SYNPR: variants seen among roughly 807,000 people sequenced by gnomAD.
The protein encoded by SYNPR is synaptoporin.
A neutral mutation model predicts 32.9 loss-of-function variants in SYNPR; 23 were observed. The observed-to-expected ratio is 0.70, with a 90% CI of 0.50 to 0.99. The LOEUF (loss-of-function observed/expected upper bound fraction) is 0.99. Among genes scored for constraint, SYNPR ranks in the 50% least tolerant of loss-of-function variants. The probability of loss-of-function intolerance (pLI) is 0.00; values close to 1 mark genes in which losing one functional copy is unlikely to be tolerated. For synonymous variants in SYNPR, 146 were observed against 135.9 expected (o/e 1.07, Z -0.52); for missense variants, 318 against 349.3 (o/e 0.91, Z 0.71).
chr3:63,276,757 T>C (rs926873803), upstream of SYNPR, among the ~76,000 whole-genome samples: 1 of 152,070 alleles, frequency 6.6e-6, no homozygotes, highest in African/African-American at 2.4e-5. Flanking sequence ...ACCAGTCCAC[T>C]GGAGTTCCTA....
chr3:63,323,672 T>A (rs9845356), intron 2 of SYNPR, among the ~76,000 whole-genome samples: 2,656 of 151,932 alleles, frequency 0.017, 62 homozygotes, highest in African/African-American at 0.06. Flanking sequence ...AGAGTAAGGT[T>A]TATAGGGTGG....
chr3:63,455,486 T>TC lies in SYNPR; in HGVS notation c.85-25341dup, dbSNP rs1559504234. Reference sequence around the variant, plus strand: ...TTTCACACACATGCTGCTACATTTTTCCCCCAACTATGTTTGGAGTATGAA... The same window carrying TC: ...TTTCACACACATGCTGCTACATTTTTCCCCCCAACTATGTTTGGAGTATGAA... On this transcript the variant is annotated intron_variant, in intron 2 of 5. Transcript: ENST00000478300. Among the ~76,000 whole-genome samples the TC allele has an allele frequency of 3.3e-5, 5 of 152,168 alleles. No individual in the cohort carries two copies. The South Asian group carries it at 1.0e-3, about 32-fold the overall frequency.
At chr3:63,429,649 A>G (rs1302162928) in intron 2 of SYNPR, among the ~76,000 whole-genome samples, 1 of 152,244 alleles carries the variant, frequency 6.6e-6, no homozygotes, top group Non-Finnish European at 1.5e-5. Flanking sequence ...GTGTTTTAAA[A>G]TAGAGTTGAT....
At chr3:63,316,904 G>A (rs1423245294) in intron 2 of SYNPR, among the ~76,000 whole-genome samples, 1 of 151,860 alleles carries the variant, frequency 6.6e-6, no homozygotes, top group Non-Finnish European at 1.5e-5. Flanking sequence ...TACCTTTGCT[G>A]TATCTCAGAG....
intron 4 of SYNPR, among the ~76,000 whole-genome samples, chr3:63,600,582 G>T (rs923501945): frequency 1.3e-5 from 2 of 152,174 alleles, no homozygotes; most frequent in Non-Finnish European, 2.9e-5. Context: ...ATGTGTCAAG[G>T]ACAGGACCAG....
intron 2 of SYNPR, among the ~76,000 whole-genome samples, chr3:63,401,052 TATG>T (rs955592753): frequency 4.6e-5 from 7 of 152,198 alleles, no homozygotes; most frequent in African/African-American, 1.7e-4. Flanking sequence ...TTTTTTTTTT[TATG>T]ATGATAACAA....
intron 3 of SYNPR, among the ~76,000 whole-genome samples, chr3:63,535,193 T>G (rs1302022320): frequency 6.6e-6 from 1 of 152,186 alleles, no homozygotes; most frequent in Admixed American, 6.6e-5. Flanking sequence ...GGTTAATTAC[T>G]TTAGTAATTA....
chr3:63,314,036 CATAT>C (rs370649733), intron 2 of SYNPR, among the ~76,000 whole-genome samples: 1 of 5,770 alleles, frequency 1.7e-4, no homozygotes, highest in African/African-American at 5.0e-4. Context: ...TATATATATC[CATAT>C]ATATATATAT....
chr3:63,609,089 T>C (rs914366129), intron 4 of SYNPR, 36 bp from the exon 5 acceptor site: 6 of 1,551,002 alleles, frequency 3.9e-6, no homozygotes, highest in Non-Finnish European at 5.2e-6. Flanking sequence ...ACTCACATTT[T>C]CTTTTACCAT....
intron 2 of SYNPR, among the ~76,000 whole-genome samples, chr3:63,375,363 C>T (rs1296212243): frequency 6.6e-6 from 1 of 152,162 alleles, no homozygotes; most frequent in East Asian, 1.9e-4. Context: ...AAACATGGCA[C>T]ATATACACCA....
intron 2 of SYNPR, among the ~76,000 whole-genome samples, chr3:63,317,616 A>C (rs1311261590): frequency 6.6e-6 from 1 of 151,894 alleles, no homozygotes; most frequent in Middle Eastern, 3.2e-3. Flanking sequence ...AGTTTATTTG[A>C]GTCCTTATAT....
intron 2 of SYNPR, among the ~76,000 whole-genome samples, chr3:63,436,394 C>T (rs1700086205): frequency 7.2e-6 from 1 of 138,942 alleles, no homozygotes; most frequent in Non-Finnish European, 1.5e-5. Flanking sequence ...CATGTGTTCT[C>T]ATTGTTCAAT....
the SYNPR span, among the ~76,000 whole-genome samples, chr3:63,204,500 T>C: frequency 2.0e-5 from 3 of 152,178 alleles, no homozygotes; most frequent in Non-Finnish European, 4.4e-5. Context: ...ACTATTTCCA[T>C]ATAAGGTCAC....
chr3:63,230,928 A>T (rs907464809), intron 1 of SYNPR, among the ~76,000 whole-genome samples: 2 of 152,178 alleles, frequency 1.3e-5, no homozygotes, highest in African/African-American at 2.4e-5. Context: ...GAGGATGTCA[A>T]GAGACTCCTT....
At chr3:63,417,930 C>G (rs1023637659) in intron 2 of SYNPR, among the ~76,000 whole-genome samples, 2 of 152,238 alleles carry the variant, frequency 1.3e-5, no homozygotes, top group Admixed American at 6.5e-5. Context: ...CTGACATACT[C>G]TGGAGACATT....
Position 63,519,385 on chromosome 3 carries a change from TA to T in SYNPR, c.210-37154del, listed in dbSNP as rs575608410. Among the ~76,000 whole-genome samples, 6 of 152,344 alleles carry T rather than the reference TA, an allele frequency of 3.9e-5. No homozygotes were observed. The East Asian group carries it at 7.7e-4, about 20-fold the overall frequency. On this transcript the variant is annotated intron_variant, in intron 3 of 5. Transcript: ENST00000478300. ...AATAATAGTGACCTTATAGGATTGT[TA>T]AAAGGATTAATAGAGATAAAGTCTT...
intron 2 of SYNPR, among the ~76,000 whole-genome samples, chr3:63,417,124 T>C (rs1362062909): frequency 6.6e-6 from 1 of 152,202 alleles, no homozygotes; most frequent in East Asian, 1.9e-4. Context: ...TCAAATTGGT[T>C]ACTTCCTAGA....
intron 2 of SYNPR, among the ~76,000 whole-genome samples, chr3:63,396,211 A>G (rs1228468852): frequency 6.6e-6 from 1 of 152,082 alleles, no homozygotes; most frequent in African/African-American, 2.4e-5. Flanking sequence ...CTATAAAAGG[A>G]CTCTCTAATT....
At chr3:63,378,387 C>A (rs1214599736) in intron 2 of SYNPR, among the ~76,000 whole-genome samples, 1 of 152,008 alleles carries the variant, frequency 6.6e-6, no homozygotes, top group Non-Finnish European at 1.5e-5. Flanking sequence ...CCCAGTTGCT[C>A]TGCCACCATT....
Sources: allele counts gnomAD v4.1 joint callset (sites outside exome capture counted in the v4.1 genomes callset), GRCh38; gene constraint gnomAD v4.1.1; transcripts MANE v1.5; gene names NCBI Gene and HGNC (gene_info 2026-07-23, HGNC 2026-07-21).